Variants in ASAP1 observed in about 807,000 individuals in gnomAD.
The protein encoded by ASAP1 is ArfGAP with SH3 domain, ankyrin repeat and PH domain 1.
ASAP1 carries 43 observed loss-of-function variants against 145.2 expected under a neutral mutation model. That is an observed-to-expected ratio of 0.30 (90% CI 0.23 to 0.38). The LOEUF (loss-of-function observed/expected upper bound fraction) is 0.38, where lower values mean the gene tolerates loss of function less well. ASAP1 is among the 10% of genes least tolerant of loss of function. The pLI, the probability that ASAP1 is intolerant of heterozygous loss-of-function variation, is 1.00. For missense variants in ASAP1, 1,018 were observed against 1,355.3 expected (o/e 0.75, Z 3.91); for synonymous variants, 546 against 515.5 (o/e 1.06, Z -0.80).
chr8:130,272,596 A>G (rs1291247850), intron 3 of ASAP1, among the ~76,000 whole-genome samples: 1 of 152,204 alleles, frequency 6.6e-6, no homozygotes, highest in African/African-American at 2.4e-5. Context: ...TATGCAGTTA[A>G]CCTATGTGTC....
chr8:130,391,019 G>A (rs1828259196), intron 2 of ASAP1, among the ~76,000 whole-genome samples: 1 of 149,070 alleles, frequency 6.7e-6, no homozygotes, highest in Non-Finnish European at 1.5e-5. Flanking sequence ...CAACCAAAAG[G>A]TAGAAGCAAA....
chr8:130,186,181 G>A (rs1271137185), intron 7 of ASAP1, among the ~76,000 whole-genome samples: 2 of 152,110 alleles, frequency 1.3e-5, no homozygotes, highest in Non-Finnish European at 2.9e-5. Flanking sequence ...AAGACTCATA[G>A]CCCACAGCAT....
chr8:130,368,640 T>C (rs544983087), intron 2 of ASAP1, among the ~76,000 whole-genome samples: 4 of 152,336 alleles, frequency 2.6e-5, no homozygotes, highest in African/African-American at 9.6e-5. Flanking sequence ...GGAGGACTGA[T>C]ATAGATGCTA....
intron 2 of ASAP1, among the ~76,000 whole-genome samples, chr8:130,392,077 G>A (rs6994854): frequency 0.42 from 63,688 of 152,082 alleles, 14,398 homozygotes; most frequent in African/African-American, 0.59. Flanking sequence ...CTGGTTTGCA[G>A]ACTTCTTGAG....
At chr8:130,376,534 T>C (rs1164885374) in intron 2 of ASAP1, among the ~76,000 whole-genome samples, 1 of 152,160 alleles carries the variant, frequency 6.6e-6, no homozygotes. Flanking sequence ...CAGACCAGCC[T>C]GGCCAACATG....
At chr8:130,085,950 G>C (rs1224224709) in intron 25 of ASAP1, among the ~76,000 whole-genome samples, 1 of 152,192 alleles carries the variant, frequency 6.6e-6, no homozygotes. Flanking sequence ...GGATGTTGTG[G>C]TTCTGGCAGG....
chr8:130,294,340 T>C (rs1377235063), intron 3 of ASAP1, among the ~76,000 whole-genome samples: 1 of 152,186 alleles, frequency 6.6e-6, no homozygotes, highest in Non-Finnish European at 1.5e-5. Context: ...TGACACTGAT[T>C]TCCCCTGGTG....
At chr8:130,187,676 T>C (rs1406849538) in intron 6 of ASAP1, among the ~76,000 whole-genome samples, 1 of 152,116 alleles carries the variant, frequency 6.6e-6, no homozygotes, top group Non-Finnish European at 1.5e-5. Context: ...GCCGCCATGG[T>C]CTCCCAAAGT....
intron 20 of ASAP1, among the ~76,000 whole-genome samples, chr8:130,117,557 T>C (rs2097558392): frequency 6.6e-6 from 1 of 152,240 alleles, no homozygotes; most frequent in Non-Finnish European, 1.5e-5. Context: ...CTCCTCATCA[T>C]CTGTTGCTTA....
chr8:130,350,258 T>C (rs1825921513), intron 3 of ASAP1, among the ~76,000 whole-genome samples: 1 of 152,184 alleles, frequency 6.6e-6, no homozygotes, highest in Non-Finnish European at 1.5e-5. Context: ...ACTCCCAGAC[T>C]GTGAATTGCC....
chr8:130,239,445 C>A (rs1400026396), intron 3 of ASAP1, among the ~76,000 whole-genome samples: 1 of 152,032 alleles, frequency 6.6e-6, no homozygotes, highest in East Asian at 1.9e-4. Flanking sequence ...TCCAGGGTGG[C>A]TGAGCTGGAA....
chr8:130,062,127 C>A (rs10095631), intron 27 of ASAP1, among the ~76,000 whole-genome samples: 24 of 152,104 alleles, frequency 1.6e-4, no homozygotes, highest in African/African-American at 5.3e-4. Flanking sequence ...TCTTTAAGGC[C>A]CTATTACAGT....
chr8:130,171,879 G>C (rs542060001), intron 9 of ASAP1, among the ~76,000 whole-genome samples: 14 of 152,254 alleles, frequency 9.2e-5, no homozygotes, highest in African/African-American at 2.9e-4. Context: ...TAAAAGTATG[G>C]GTACAAAGTT....
At chr8:130,257,681 T>C (rs1819643201) in intron 3 of ASAP1, among the ~76,000 whole-genome samples, 1 of 152,144 alleles carries the variant, frequency 6.6e-6, no homozygotes, top group African/African-American at 2.4e-5. Flanking sequence ...GTATCTCCTT[T>C]CGAAAATTCA....
At chr8:130,156,791 G>A (rs1294436205) in intron 12 of ASAP1, among the ~76,000 whole-genome samples, 1 of 152,072 alleles carries the variant, frequency 6.6e-6, no homozygotes, top group African/African-American at 2.4e-5. Context: ...CAGGCACCTG[G>A]GTGTGTGGCA....
At chr8:130,132,717 G>A (rs2097585039) in intron 15 of ASAP1, among the ~76,000 whole-genome samples, 1 of 152,172 alleles carries the variant, frequency 6.6e-6, no homozygotes, top group African/African-American at 2.4e-5. Context: ...GTATTCTCAA[G>A]GCTTTGCATA....
intron 3 of ASAP1, 104 bp downstream of exon 3, chr8:130,357,913 G>A: frequency 6.9e-7 from 1 of 1,446,812 alleles, no homozygotes; most frequent in Non-Finnish European, 9.2e-7. Context: ...GGGGTGTGGC[G>A]CCCCCGGCCC....
intron 1 of ASAP1, among the ~76,000 whole-genome samples, chr8:130,415,342 C>A (rs1829430760): frequency 6.6e-6 from 1 of 151,274 alleles, no homozygotes; most frequent in Non-Finnish European, 1.5e-5. Context: ...GTGGTATACA[C>A]CTATAGTCCC....
At chr8:130,097,928 T>C (rs977250254) in intron 24 of ASAP1, among the ~76,000 whole-genome samples, 2 of 152,198 alleles carry the variant, frequency 1.3e-5, no homozygotes, top group East Asian at 1.9e-4. Flanking sequence ...CATTCACTTA[T>C]ACCTAAATAG....
Sources: gnomAD v4.1 joint callset for allele counts (sites outside exome capture counted in the v4.1 genomes callset) on GRCh38, gnomAD v4.1.1 for gene constraint, MANE v1.5 for transcripts, NCBI Gene and HGNC (gene_info 2026-07-23, HGNC 2026-07-21) for gene names.